Variants in ZNF484 observed in about 807,000 individuals in gnomAD.
ZNF484 encodes the protein KRAB box containing C2H2 type zinc finger bA526D8.4.
Under a neutral mutation model 12.9 loss-of-function variants are expected in ZNF484, and 11 were observed. The observed-to-expected ratio is 0.85, with a 90% CI of 0.54 to 1.41. The LOEUF is 1.41. Among genes scored for constraint, ZNF484 ranks in the 40% most tolerant of loss-of-function variants. ZNF484 has a pLI of 0.00. For missense variants in ZNF484, 807 were observed against 1,007.7 expected, an observed-to-expected ratio of 0.80 and a Z score of 2.70; for synonymous variants, 289 against 334.1, an observed-to-expected ratio of 0.86 and a Z score of 1.47.
In ZNF484 at chr9:92,846,846, G is replaced by A. The variant is rs769068957; in HGVS notation, c.1941C>T (p.Asp647=). The part of the protein sequence containing the change: ...RCAECGKAFT[D]RSNLFTHQKI... ...TCTGGTGTGTAAAGAGATTTGATCTGTCAGTAAAAGCCTTTCCACATTCAG... is the reference window on the plus strand; with the variant it reads ...TCTGGTGTGTAAAGAGATTTGATCTATCAGTAAAAGCCTTTCCACATTCAG... Residue 647 remains aspartate, a synonymous_variant, in exon 5 of 5, where the codon GAC becomes GAT. Coordinates refer to ENST00000375495, the MANE Select transcript of ZNF484 (RefSeq NM_031486.4). 1.2e-6 allele frequency: 2 copies of A among 1,613,764 alleles called. No homozygotes were observed. Among genetic ancestry groups the A allele is most frequent in the Middle Eastern group, 1.7e-4 (1 of 6,060 alleles).
At chr9:92,852,188 T>C (rs571494826) in intron 4 of ZNF484, among the ~76,000 whole-genome samples, 1 of 152,254 alleles carries the variant, frequency 6.6e-6, no homozygotes, top group African/African-American at 2.4e-5. Flanking sequence ...TTAATGTAGG[T>C]TTCTCTGAAT....
Position 92,847,650 on chromosome 9 carries a change from A to C in ZNF484, c.1137T>G (p.Thr379=). The change falls in exon 5 of 5, where the codon ACT becomes ACG. Residue 379 remains threonine, a synonymous_variant. Transcript: ENST00000375495. ...CAGTACATTCAAAGTGTTTCCCTCC[A>C]GTATGAATTTTTTTATGTATATTAA... ...SNLNIHKKIH[T]GGKHFECTEC... The C allele has an allele frequency of 6.2e-7, 1 of 1,613,506 alleles. No individual in the cohort carries two copies. Among genetic ancestry groups the C allele is most frequent in the Non-Finnish European group, 8.5e-7 (1 of 1,179,928 alleles).
chr9:92,867,927 T>C (rs919905214), intron 2 of ZNF484, among the ~76,000 whole-genome samples: 2 of 152,166 alleles, frequency 1.3e-5, no homozygotes, highest in Non-Finnish European at 2.9e-5. Context: ...TAAGTGAGGG[T>C]AGTCTTAGAG....
At chr9:92,857,411 A>G (rs1401209653) in intron 2 of ZNF484, among the ~76,000 whole-genome samples, 1 of 152,190 alleles carries the variant, frequency 6.6e-6, no homozygotes, top group Non-Finnish European at 1.5e-5. Context: ...CAGAGAAACC[A>G]ACATAACTCA....
rs1855472473 is a variant in ZNF484 at position 92,844,324 on chromosome 9, G to A, written c.*1904C>T. Among the ~76,000 whole-genome samples, 1 of 152,110 alleles carries A rather than the reference G, an allele frequency of 6.6e-6. No individual in the cohort carries two copies. The highest frequency in any genetic ancestry group is 2.1e-4 in the South Asian group (1 of 4,832). On this transcript the variant is annotated 3_prime_UTR_variant, in exon 5 of 5. Coordinates refer to ENST00000375495, the MANE Select transcript of ZNF484 (RefSeq NM_031486.4). ...CTGGGTAATAAGGTTATCCCTAAAA[G>A]AAACAGAGAAGGAGAATGAGGCAGA...
chr9:92,855,728 G>A, intron 4 of ZNF484, 83 bp downstream of exon 4: 1 of 1,285,604 alleles, frequency 7.8e-7, no homozygotes, highest in Non-Finnish European at 1.1e-6. Flanking sequence ...ACACATCAAA[G>A]TTGGGCAAAG....
intron 4 of ZNF484, among the ~76,000 whole-genome samples, chr9:92,854,682 A>C (rs1856330503): frequency 6.6e-6 from 1 of 152,194 alleles, no homozygotes; most frequent in Non-Finnish European, 1.5e-5. Context: ...ATGCCACTGC[A>C]CTCCAGCCTG....
chr9:92,868,593 T>G (rs1482777824), intron 2 of ZNF484, among the ~76,000 whole-genome samples: 2 of 152,224 alleles, frequency 1.3e-5, no homozygotes, highest in African/African-American at 4.8e-5. Flanking sequence ...GGCATCAGCA[T>G]CTGCATCTGG....
chr9:92,848,588 A>C lies in ZNF484; in HGVS notation c.236-37T>G, dbSNP rs571489011. Reference sequence around the variant, plus strand: ...AGAAAAGATAAGACTGACAAAAAGAACAATTAACAGAAAATAAGGCCAGGT... The same window carrying C: ...AGAAAAGATAAGACTGACAAAAAGACCAATTAACAGAAAATAAGGCCAGGT... On this transcript the variant is annotated intron_variant, in intron 4 of 4. Transcript: ENST00000375495. The surrounding 1 kb of genome is among the most constrained non-coding windows in gnomAD (Gnocchi z 4.1). 48 of 1,524,468 alleles carry C rather than the reference A, an allele frequency of 3.1e-5. No homozygotes were observed. The highest frequency in any genetic ancestry group is 3.8e-5 in the Non-Finnish European group (44 of 1,147,982). The allele number at this position is 1,524,468 out of a possible 1,614,324, so 94.4% of individuals were successfully genotyped here.
At chr9:92,856,485 G>A (rs1856470454) in intron 2 of ZNF484, among the ~76,000 whole-genome samples, 167 bp from the exon 3 acceptor site, 1 of 151,858 alleles carries the variant, frequency 6.6e-6, no homozygotes, top group Non-Finnish European at 1.5e-5. Flanking sequence ...ACAATTCAAC[G>A]ACAACGAACA....
intron 2 of ZNF484, among the ~76,000 whole-genome samples, chr9:92,873,439 C>T (rs989582711): frequency 6.6e-6 from 1 of 151,484 alleles, no homozygotes; most frequent in Non-Finnish European, 1.5e-5. Context: ...TCCTGAAAAA[C>T]ACACAAACTA....
At position 92,855,817 on chromosome 9, in the gene ZNF484, G is replaced by A. The variant is rs377509053; in HGVS notation, c.229C>T (p.Arg77Cys). The A allele has an allele frequency of 9.2e-5, 149 of 1,613,830 alleles. No individual in the cohort carries two copies. The highest frequency in any genetic ancestry group is 1.7e-4 in the Admixed American group (10 of 59,982). ...MLDGEIPSQSRPDGDIGFGPL... is the reference protein window; with the variant it reads ...MLDGEIPSQSCPDGDIGFGPL... ...CTCTTGGTTCCCTTCTCACCTGGAC[G>A]GCTCTGACTGGGGATCTCACCATCC... The change falls in exon 4 of 5, where the codon CGT becomes TGT. Residue 77 changes from arginine (R) to cysteine (C), a missense_variant. Arg to Cys is a radical substitution (Grantham distance 180). Coordinates refer to ENST00000375495, the MANE Select transcript of ZNF484 (RefSeq NM_031486.4).
chr9:92,852,919 TTAAAA>T (rs1302333270), intron 4 of ZNF484, among the ~76,000 whole-genome samples: 1 of 152,162 alleles, frequency 6.6e-6, no homozygotes, highest in Non-Finnish European at 1.5e-5. Flanking sequence ...AAAGAAAATC[TTAAAA>T]TAGGATAGAA....
chr9:92,862,208 T>C, intron 2 of ZNF484: 6 of 866,296 alleles, frequency 6.9e-6, no homozygotes, highest in Non-Finnish European at 8.3e-6. Context: ...CATACATTTA[T>C]TAAGCATAAT....
chr9:92,877,489 C>T (rs1473244441), intron 1 of ZNF484, among the ~76,000 whole-genome samples: 1 of 152,114 alleles, frequency 6.6e-6, no homozygotes, highest in Non-Finnish European at 1.5e-5. Flanking sequence ...TTCTTTAAAT[C>T]TTTAGCAAAA....
intron 4 of ZNF484, among the ~76,000 whole-genome samples, chr9:92,855,243 C>G (rs1426095283): frequency 6.6e-6 from 1 of 152,018 alleles, no homozygotes; most frequent in Non-Finnish European, 1.5e-5. Context: ...TTGCGTTGCA[C>G]TAGCCAAGTA....
At position 92,856,899 on chromosome 9, in the gene ZNF484, T is replaced by A. The variant is rs1057476351; in HGVS notation, c.16-581A>T. 2.6e-5 allele frequency among the ~76,000 whole-genome samples: 4 copies of A among 152,246 alleles called. No individual in the cohort carries two copies. The South Asian group carries it at 6.2e-4, about 24-fold the overall frequency. ...ACCACGCCCAGCTAATTTTTAAAAATTTTTTTAGTAGAGACGGGGTTTCAC... is the reference window on the plus strand; with the variant it reads ...ACCACGCCCAGCTAATTTTTAAAAAATTTTTTAGTAGAGACGGGGTTTCAC... On this transcript the variant is annotated intron_variant, in intron 2 of 4. Coordinates refer to ENST00000375495, the MANE Select transcript of ZNF484 (RefSeq NM_031486.4).
intron 2 of ZNF484, among the ~76,000 whole-genome samples, chr9:92,862,950 T>C (rs1397486789): frequency 1.3e-5 from 2 of 152,162 alleles, no homozygotes; most frequent in South Asian, 4.1e-4. Flanking sequence ...CATTCTGTTA[T>C]AAAGATACAC....
intron 2 of ZNF484, among the ~76,000 whole-genome samples, chr9:92,871,737 AG>A (rs759066172): frequency 2.6e-5 from 4 of 152,248 alleles, no homozygotes; most frequent in Non-Finnish European, 4.4e-5. Context: ...TGACAATGTG[AG>A]ATACTAAGAA....
Sources: allele counts gnomAD v4.1 joint callset (sites outside exome capture counted in the v4.1 genomes callset), GRCh38; gene constraint gnomAD v4.1.1; non-coding constraint Gnocchi (gnomAD v3.1); transcripts MANE v1.5; gene names NCBI Gene and HGNC (gene_info 2026-07-23, HGNC 2026-07-21).